FYCO1: variants seen among roughly 807,000 people sequenced by gnomAD.
FYCO1 encodes FYVE and coiled-coil domain-containing protein 1.
Under a neutral mutation model 165.1 loss-of-function variants are expected in FYCO1, and 122 were observed. The ratio of observed to expected loss-of-function variants is 0.74; its 90% CI spans 0.64 to 0.86. The LOEUF (loss-of-function observed/expected upper bound fraction) is 0.86, where lower values mean the gene tolerates loss of function less well. Among genes scored for constraint, FYCO1 ranks in the 40% least tolerant of loss-of-function variants. The pLI is 0.00. For synonymous variants in FYCO1, 648 were observed against 742.5 expected, an observed-to-expected ratio of 0.87 and a Z score of 2.07; for missense variants, 1,702 against 1,810.3, an observed-to-expected ratio of 0.94 and a Z score of 1.09.
intron 15 of FYCO1, among the ~76,000 whole-genome samples, chr3:45,932,360 G>C (rs1703676409): frequency 6.6e-6 from 1 of 152,240 alleles, no homozygotes; most frequent in African/African-American, 2.4e-5. Flanking sequence ...GGCCATCATA[G>C]GCCACGCCCT....
In FYCO1 at chr3:45,928,226, G is replaced by A. The variant is rs544021342; in HGVS notation, c.4251+2845C>T. 9.2e-5 allele frequency among the ~76,000 whole-genome samples: 14 copies of A among 152,314 alleles called. No homozygotes were observed. In the East Asian group the frequency reaches 9.6e-4, roughly 10 times the overall value. ...CCATTAAACTGTACATTCCAAGTGCGTGAGTTATATCTCAATAAAGCTGTT... is the reference window on the plus strand; with the variant it reads ...CCATTAAACTGTACATTCCAAGTGCATGAGTTATATCTCAATAAAGCTGTT... On this transcript the variant is annotated intron_variant, in intron 16 of 17. Transcript: ENST00000296137.
intron 5 of FYCO1, 151 bp downstream of exon 5, chr3:45,975,088 G>A: frequency 1.4e-6 from 1 of 720,042 alleles, no homozygotes; most frequent in Admixed American, 2.0e-5. Context: ...TTTGGGAGGA[G>A]GGGTGGAAGA....
chr3:45,988,367 T>A (rs958512739), intron 1 of FYCO1, among the ~76,000 whole-genome samples: 12 of 152,166 alleles, frequency 7.9e-5, no homozygotes, highest in African/African-American at 2.9e-4. Flanking sequence ...CTTCCTTGTG[T>A]CTCTAGATAA....
chr3:45,964,371 G>T lies in FYCO1; in HGVS notation c.3234C>A (p.Asp1078Glu), dbSNP rs6795530. ...AECQAAMLRK[D>E]KEGAALREDL... ...CTTCACGCAGGGCAGCCCCCTCCTTGTCCTTCCTCAGCATGGCCGCCTGGC... is the reference window on the plus strand; with the variant it reads ...CTTCACGCAGGGCAGCCCCCTCCTTTTCCTTCCTCAGCATGGCCGCCTGGC... The change falls in exon 10 of 18, where the codon GAC (aspartate) becomes GAA (glutamate). Residue 1078 changes from aspartate to glutamate, a missense_variant. Coordinates refer to ENST00000296137, the MANE Select transcript of FYCO1 (RefSeq NM_024513.4). This position sits in a 1 kb window ranked among gnomAD's most constrained non-coding sequence, Gnocchi z 4.1. 6.3e-4 allele frequency: 1,015 copies of T among 1,614,078 alleles called. 7 individuals are homozygous for T. In the African/African-American group the frequency reaches 0.012, roughly 19 times the overall value.
intron 14 of FYCO1, among the ~76,000 whole-genome samples, chr3:45,937,667 C>G (rs1703976123): frequency 6.6e-6 from 1 of 152,228 alleles, no homozygotes; most frequent in Admixed American, 6.5e-5. Flanking sequence ...AGCTTCCTGC[C>G]CACAGCCTCC....
chr3:45,953,946 G>C (rs1705171323), intron 14 of FYCO1, among the ~76,000 whole-genome samples: 1 of 152,154 alleles, frequency 6.6e-6, no homozygotes, highest in Admixed American at 6.5e-5. Context: ...TGGCATCCTC[G>C]CCAAGCCTGA....
chr3:45,940,435 C>T (rs1049331859), intron 14 of FYCO1, among the ~76,000 whole-genome samples: 12 of 152,250 alleles, frequency 7.9e-5, no homozygotes, highest in African/African-American at 1.2e-4. Context: ...CCTCTAGAAA[C>T]GACTGATAAG....
Position 45,946,360 on chromosome 3 carries a change from GA to G in FYCO1, c.3944+8888del. ...CTACACATCCCAGTGGGTGGGTTTA[GA>G]AGATGACTATTTGCCCCCTAAATGT... On this transcript the variant is annotated intron_variant, in intron 14 of 17. Transcript: ENST00000296137. 3.7e-6 allele frequency: 3 copies of G among 817,582 alleles called. No homozygotes were observed. In the East Asian group the frequency reaches 7.4e-5, roughly 20 times the overall value. The allele number at this position is 817,582 out of a possible 1,614,324, so 50.6% of individuals were successfully genotyped here.
chr3:45,949,620 G>T (rs933027386), intron 14 of FYCO1, among the ~76,000 whole-genome samples: 3 of 152,198 alleles, frequency 2.0e-5, no homozygotes, highest in African/African-American at 7.2e-5. Context: ...ACTGGCTCAT[G>T]AAGGCCTTCC....
rs1241307845 is a variant in FYCO1 at position 45,966,149 on chromosome 3, G to GT, written c.3057+127dup. On this transcript the variant is annotated intron_variant, in intron 8 of 17. Transcript: ENST00000296137. ...CTGTGATAGGAAAGGGCCACAAGGTGTTTGCCTGCACCCACAGTACATTCT... is the reference window on the plus strand; with the variant it reads ...CTGTGATAGGAAAGGGCCACAAGGTGTTTTGCCTGCACCCACAGTACATTCT... 5.5e-5 allele frequency: 51 copies of GT among 927,846 alleles called. No individual in the cohort carries two copies. The East Asian group carries it at 1.2e-3, about 22-fold the overall frequency. 57.5% of individuals were successfully genotyped at this position (927,846 alleles called of 1,614,324 possible).
intron 6 of FYCO1, among the ~76,000 whole-genome samples, chr3:45,972,050 A>G (rs1263101512): frequency 2.0e-5 from 3 of 152,236 alleles, no homozygotes; most frequent in Admixed American, 2.0e-4. Flanking sequence ...ATGAACAATT[A>G]TAGTAAAATA....
Position 45,921,791 on chromosome 3 carries a change from T to A in FYCO1, c.4411A>T (p.Ile1471Phe), listed in dbSNP as rs138116690. ...TACAGGAAATCACTTCCATCGTAGATCACAGGCCGATCAACCGTCAAGTGA... is the reference window on the plus strand; with the variant it reads ...TACAGGAAATCACTTCCATCGTAGAACACAGGCCGATCAACCGTCAAGTGA... ...FYHLTVDRPV[I>F]YDGSDFL The change falls in exon 18 of 18, where the codon ATC (isoleucine) becomes TTC (phenylalanine). Residue 1471 changes from isoleucine (I) to phenylalanine (F), a missense_variant. Coordinates refer to ENST00000296137, the MANE Select transcript of FYCO1 (RefSeq NM_024513.4). The A allele has an allele frequency of 6.2e-7, 1 of 1,612,800 alleles. No individual in the cohort carries two copies. The highest frequency in any genetic ancestry group is 2.2e-5 in the East Asian group (1 of 44,870).
chr3:45,931,312 T>C (rs143051525), intron 15 of FYCO1, 31 bp from the exon 16 acceptor site: 2 of 1,604,474 alleles, frequency 1.2e-6, no homozygotes, highest in African/African-American at 2.7e-5. Flanking sequence ...GGGACCTGAT[T>C]GACTGGGCAA....
chr3:45,943,401 G>A (rs1704365825), intron 14 of FYCO1: 1 of 152,178 alleles, frequency 6.6e-6, no homozygotes, highest in Non-Finnish European at 1.5e-5. Flanking sequence ...CGGGAGTAGG[G>A]GGTGGGTCTC....
At chr3:45,985,138 C>A in intron 1 of FYCO1, 116 bp from the exon 2 acceptor site, 1 of 634,744 alleles carries the variant, frequency 1.6e-6, no homozygotes. Flanking sequence ...ATTCCCTCAA[C>A]AGGAGGGCTT....
chr3:45,970,445 A>C (rs1283221349), intron 6 of FYCO1, among the ~76,000 whole-genome samples: 3 of 152,238 alleles, frequency 2.0e-5, no homozygotes, highest in Non-Finnish European at 4.4e-5. Flanking sequence ...ATATGTACAT[A>C]AGGAGACAGT....
chr3:45,984,325 T>C (rs1442929342), intron 2 of FYCO1, among the ~76,000 whole-genome samples: 1 of 152,198 alleles, frequency 6.6e-6, no homozygotes, highest in African/African-American at 2.4e-5. Context: ...ATACAAGTCA[T>C]AGCCTCTCTC....
rs1706199676 is a variant in FYCO1 at position 45,968,098 on chromosome 3, C to T, written c.1236G>A (p.Arg412=). 1 of 1,614,184 alleles carries T rather than the reference C, an allele frequency of 6.2e-7. No homozygotes were observed. The highest frequency in any genetic ancestry group is 2.2e-5 in the East Asian group (1 of 44,876). ...TGACCTCCTCGACCTTGGTTCTCTCCCTTTCTAGGGCTTGAAGCTTCTCCC... is the reference window on the plus strand; with the variant it reads ...TGACCTCCTCGACCTTGGTTCTCTCTCTTTCTAGGGCTTGAAGCTTCTCCC... ...ELGEKLQALE[R]ERTKVEEVNR... Residue 412 remains arginine, a synonymous_variant, in exon 8 of 18, where the codon AGG becomes AGA. Transcript: ENST00000296137.
At position 45,955,374 on chromosome 3, in the gene FYCO1, CCTGTAGT is replaced by C; in HGVS notation, c.3812_3818del (p.Asp1271GlyfsTer50). 1 of 1,614,160 alleles carries C rather than the reference CCTGTAGT, an allele frequency of 6.2e-7. No individual in the cohort carries two copies. The highest frequency in any genetic ancestry group is 8.5e-7 in the Non-Finnish European group (1 of 1,180,030). ...TATCAAACACAGCGTCGTCCGGTGGCCTGTAGTCTGTATTTGCTCCTGGGCAGCAGAG... is the reference window on the plus strand; with the variant it reads ...TATCAAACACAGCGTCGTCCGGTGGCCTGTATTTGCTCCTGGGCAGCAGAG... On this transcript the variant is annotated frameshift_variant, in exon 14 of 18. Transcript: ENST00000296137. LOFTEE classifies it high-confidence loss of function.
Sources: allele counts gnomAD v4.1 joint callset (sites outside exome capture counted in the v4.1 genomes callset), GRCh38; gene constraint gnomAD v4.1.1; non-coding constraint Gnocchi (gnomAD v3.1); transcripts MANE v1.5; gene names NCBI Gene and HGNC (gene_info 2026-07-23, HGNC 2026-07-21).